KDM4C: variants seen among roughly 807,000 people sequenced by gnomAD.
KDM4C encodes the protein lysine-specific demethylase 4C.
Under a neutral mutation model 129.3 loss-of-function variants are expected in KDM4C, and 81 were observed. The ratio of observed to expected loss-of-function variants is 0.63; its 90% CI spans 0.52 to 0.75. The LOEUF is 0.75. Ranked by LOEUF, KDM4C falls within the 30% of genes least tolerant of loss-of-function variation. KDM4C has a pLI of 0.00. For missense variants in KDM4C, 1,457 were observed against 1,304.0 expected (o/e 1.12, Z -1.81); for synonymous variants, 573 against 456.1 (o/e 1.26, Z -3.26).
chr9:7,087,524 C>A (rs1394049479), intron 17 of KDM4C, among the ~76,000 whole-genome samples: 1 of 151,872 alleles, frequency 6.6e-6, no homozygotes, highest in Admixed American at 6.6e-5. Flanking sequence ...AGAGTCTTGT[C>A]ATAGGAAATT....
At chr9:6,896,248 G>A (rs951566625) in intron 8 of KDM4C, among the ~76,000 whole-genome samples, 1 of 152,094 alleles carries the variant, frequency 6.6e-6, no homozygotes, top group African/African-American at 2.4e-5. Flanking sequence ...TTGTTCATAA[G>A]TGATTATGAA....
intron 17 of KDM4C, among the ~76,000 whole-genome samples, chr9:7,051,762 A>G (rs1477077622): frequency 1.3e-5 from 2 of 152,222 alleles, no homozygotes; most frequent in African/African-American, 4.8e-5. Context: ...CTGGAAAATA[A>G]TAAGAATTAT....
intron 4 of KDM4C, among the ~76,000 whole-genome samples, chr9:6,838,126 C>T (rs1335688897): frequency 6.6e-6 from 1 of 152,076 alleles, no homozygotes; most frequent in Admixed American, 6.6e-5. Context: ...AGGAGTTCAC[C>T]TCTCCTTCAG....
chr9:6,919,207 C>G (rs557144240), intron 8 of KDM4C, among the ~76,000 whole-genome samples: 294 of 122,516 alleles, frequency 2.4e-3, no homozygotes, highest in African/African-American at 8.3e-3. Context: ...CTTACAGATT[C>G]TGAATTTTCT....
intron 15 of KDM4C, among the ~76,000 whole-genome samples, chr9:7,039,063 T>C (rs1479743976): frequency 6.6e-6 from 1 of 152,030 alleles, no homozygotes; most frequent in Non-Finnish European, 1.5e-5. Flanking sequence ...CTTTTGTCTT[T>C]TAAATGTCTT....
intron 17 of KDM4C, among the ~76,000 whole-genome samples, chr9:7,064,932 G>A (rs993658321): frequency 3.3e-5 from 5 of 152,140 alleles, no homozygotes; most frequent in Non-Finnish European, 7.4e-5. Context: ...GTGAGACGAC[G>A]TAAGTTCTTG....
intron 4 of KDM4C, among the ~76,000 whole-genome samples, chr9:6,827,156 A>G (rs1432531802): frequency 6.6e-6 from 1 of 152,136 alleles, no homozygotes; most frequent in Non-Finnish European, 1.5e-5. Context: ...ATTAAACATC[A>G]CAGAATATTT....
intron 8 of KDM4C, among the ~76,000 whole-genome samples, chr9:6,923,352 G>A (rs1821902205): frequency 1.3e-5 from 2 of 151,776 alleles, no homozygotes; most frequent in South Asian, 2.1e-4. Flanking sequence ...TGCAGTTTCC[G>A]TTTAAATGTT....
At position 7,174,726 on chromosome 9, in the gene KDM4C, G is replaced by C. The variant is rs1196818266; in HGVS notation, c.3168G>C (p.Gln1056His). The C allele has an allele frequency of 6.2e-7, 1 of 1,613,952 alleles. No homozygotes were observed. Residue 1056 changes from glutamine to histidine, a missense_variant, in exon 22 of 22, where the codon CAG (glutamine) becomes CAC (histidine). Coordinates refer to ENST00000381309, the MANE Select transcript of KDM4C (RefSeq NM_015061.6). ...SSFQKKCQKRQ is the reference protein window; with the variant it reads ...SSFQKKCQKRH ...TCCAGAAGAAGTGCCAGAAGAGACAGTAGTCTGCATACATCGCTGCAGGCC... is the reference window on the plus strand; with the variant it reads ...TCCAGAAGAAGTGCCAGAAGAGACACTAGTCTGCATACATCGCTGCAGGCC...
chr9:6,854,527 AAAAAAAAAAAAAAAAAAAC>A (rs1839425412), intron 5 of KDM4C, among the ~76,000 whole-genome samples: 1 of 141,220 alleles, frequency 7.1e-6, no homozygotes, highest in Non-Finnish European at 1.5e-5. Context: ...CTCCGTCTCA[AAAAAAAAAAAAAAAAAAAC>A]AAAAAAAAAA....
intron 8 of KDM4C, among the ~76,000 whole-genome samples, chr9:6,970,313 C>T (rs1220039081): frequency 3.9e-5 from 6 of 152,180 alleles, no homozygotes; most frequent in Non-Finnish European, 8.8e-5. Flanking sequence ...ACTTTTTATA[C>T]TTCTGCCCTC....
In KDM4C at chr9:6,757,990, C is replaced by A; in HGVS notation, c.-231C>A. ...GCGCAGGGAGAGCCGGCGGTGCGCG[C>A]GCCTTCGCCGCTGCCTCCCACCCAC... On this transcript the variant is annotated 5_prime_UTR_variant, in exon 1 of 22. Coordinates refer to ENST00000381309, the MANE Select transcript of KDM4C (RefSeq NM_015061.6). 2.0e-6 allele frequency: 2 copies of A among 985,400 alleles called. No individual in the cohort carries two copies. Among genetic ancestry groups the A allele is most frequent in the Non-Finnish European group, 2.4e-6 (2 of 829,922 alleles). 61.0% of individuals were successfully genotyped at this position (985,400 alleles called of 1,614,324 possible). A position where few individuals can be genotyped will look rare whatever the true frequency, so the allele number is the denominator to read the frequency against.
At chr9:6,857,214 C>T (rs1351992029) in intron 5 of KDM4C, among the ~76,000 whole-genome samples, 1 of 152,088 alleles carries the variant, frequency 6.6e-6, no homozygotes, top group Admixed American at 6.6e-5. Flanking sequence ...AGAAGGATTG[C>T]TCAAGCCCAG....
At chr9:6,941,983 G>A (rs1268347990) in intron 8 of KDM4C, among the ~76,000 whole-genome samples, 1 of 152,068 alleles carries the variant, frequency 6.6e-6, no homozygotes, top group African/African-American at 2.4e-5. Context: ...ATAACCATAT[G>A]GATTTACATG....
chr9:7,145,121 C>A (rs201517772), intron 19 of KDM4C, among the ~76,000 whole-genome samples: 1 of 152,036 alleles, frequency 6.6e-6, no homozygotes, highest in Non-Finnish European at 1.5e-5. Flanking sequence ...GGTGTTGATC[C>A]TCAAAGGATG....
At chr9:7,016,052 G>T (rs951079495) in intron 15 of KDM4C, 123 bp downstream of exon 15, 26 of 535,730 alleles carry the variant, frequency 4.9e-5, no homozygotes, top group African/African-American at 4.4e-4. Flanking sequence ...GCACTTCCTT[G>T]TGTTTCTAGT....
At chr9:7,035,868 T>C (rs1055970449) in intron 15 of KDM4C, among the ~76,000 whole-genome samples, 7 of 152,214 alleles carry the variant, frequency 4.6e-5, no homozygotes, top group African/African-American at 1.7e-4. Flanking sequence ...GCCAGTTCCA[T>C]GCTGTTGTTG....
rs1193276196 is a variant in KDM4C, at chr9:6,795,328, T to A, written c.144+2196T>A. On this transcript the variant is annotated intron_variant, in intron 2 of 21. Transcript: ENST00000381309. ...GTAATTAGGTTGTATATATATATAT[T>A]TTTTGTTGTTGTTTCTTTTTGAGAC... Among the ~76,000 whole-genome samples the A allele has an allele frequency of 7.2e-5, 11 of 152,082 alleles. No individual in the cohort carries two copies. The East Asian group carries it at 7.7e-4, about 11-fold the overall frequency.
At chr9:6,845,461 T>C (rs976655976) in intron 4 of KDM4C, among the ~76,000 whole-genome samples, 1 of 152,130 alleles carries the variant, frequency 6.6e-6, no homozygotes, top group African/African-American at 2.4e-5. Context: ...GTGATTCTCC[T>C]TCCTTGGCCT....
Sources: gnomAD v4.1 joint callset for allele counts (sites outside exome capture counted in the v4.1 genomes callset) on GRCh38, gnomAD v4.1.1 for gene constraint, MANE v1.5 for transcripts, NCBI Gene and HGNC (gene_info 2026-07-23, HGNC 2026-07-21) for gene names.